ASIC2: variants seen among roughly 807,000 people sequenced by gnomAD.
ASIC2 encodes acid sensing ion channel subunit 2.
In ASIC2, 25 loss-of-function variants were observed where a neutral mutation model predicts 57.3. The observed-to-expected ratio is 0.44, with a 90% confidence interval of 0.32 to 0.61. The LOEUF is 0.61. ASIC2 is among the 20% of genes least tolerant of loss of function. ASIC2 has a pLI of 0.06. For synonymous variants in ASIC2, 319 were observed against 307.5 expected, an observed-to-expected ratio of 1.04 and a Z score of -0.39; for missense variants, 641 against 738.1, an observed-to-expected ratio of 0.87 and a Z score of 1.52.
intron 3 of ASIC2, among the ~76,000 whole-genome samples, chr17:33,067,276 G>A (rs910683249): frequency 6.6e-6 from 1 of 152,176 alleles, no homozygotes; most frequent in African/African-American, 2.4e-5. Context: ...GTGTACCAAG[G>A]GCCACAGACA....
rs528846677 is a variant in ASIC2 at position 33,740,252 on chromosome 17, A to T, written c.555+415726T>A. ...AGTTTGGGTACAGCAAGGGCTATGT[A>T]TTAGTGCGTTCTCACACTGCTATAA... On this transcript the variant is annotated intron_variant, in intron 1 of 9. Transcript: ENST00000359872. Among the ~76,000 whole-genome samples the T allele has an allele frequency of 4.6e-5, 7 of 152,376 alleles. No homozygotes were observed. In the South Asian group the frequency reaches 1.4e-3, roughly 32 times the overall value.
intron 2 of ASIC2, among the ~76,000 whole-genome samples, chr17:33,103,344 ATAT>A (rs1180768954): frequency 6.6e-6 from 1 of 152,150 alleles, no homozygotes; most frequent in East Asian, 1.9e-4. Context: ...AATGTAGATA[ATAT>A]TATTATTTTC....
At chr17:33,842,531 G>C (rs763176410) in intron 1 of ASIC2, among the ~76,000 whole-genome samples, 1 of 152,154 alleles carries the variant, frequency 6.6e-6, no homozygotes, top group Non-Finnish European at 1.5e-5. Context: ...CCTGAGACAG[G>C]GCTGGGACGA....
intron 1 of ASIC2, among the ~76,000 whole-genome samples, chr17:33,113,895 G>T (rs2092270228): frequency 6.6e-6 from 1 of 152,198 alleles, no homozygotes; most frequent in Non-Finnish European, 1.5e-5. Flanking sequence ...CTGCTGTGCT[G>T]TCCTGGGAGG....
chr17:33,661,021 G>A (rs1004109219), intron 1 of ASIC2, among the ~76,000 whole-genome samples: 10 of 152,146 alleles, frequency 6.6e-5, no homozygotes, highest in African/African-American at 1.4e-4. Flanking sequence ...GTCTGTTGGA[G>A]ATTTTCCAGC....
intron 1 of ASIC2, among the ~76,000 whole-genome samples, chr17:33,775,472 G>T (rs540587257): frequency 6.6e-6 from 1 of 152,196 alleles, no homozygotes; most frequent in South Asian, 2.1e-4. Flanking sequence ...TGAAGAGTAC[G>T]TGAGCAAATA....
In ASIC2 at chr17:33,608,917, C is replaced by T. The variant is rs1199782806; in HGVS notation, c.556-496850G>A. On this transcript the variant is annotated intron_variant, in intron 1 of 9. Transcript: ENST00000359872. The stretch of plus-strand genomic sequence containing the variant: ...AGCCCAAAGACCTAGGAAATGATGT[C>T]ATTATCCTCTAGTTCTACCCTGGCA... Among the ~76,000 whole-genome samples, 3 of 152,138 alleles carry T rather than the reference C, an allele frequency of 2.0e-5. No homozygotes were observed. The East Asian group carries it at 5.8e-4, about 29-fold the overall frequency.
intron 1 of ASIC2, among the ~76,000 whole-genome samples, chr17:33,799,462 CTTTCTTTCTTTCTTTCCTTCTTTCT>C (rs1912058204): frequency 8.4e-6 from 1 of 119,628 alleles, no homozygotes; most frequent in African/African-American, 3.1e-5. Flanking sequence ...TTCTTTCTTT[CTTTCTTTCTTTCTTTCCTTCTTTCT>C]TTCTTTCTTA....
intron 1 of ASIC2, among the ~76,000 whole-genome samples, chr17:33,765,031 A>G (rs976578817): frequency 2.0e-5 from 3 of 152,076 alleles, no homozygotes; most frequent in Non-Finnish European, 4.4e-5. Flanking sequence ...TCTCCTAGAT[A>G]GTCTTTCTGG....
intron 1 of ASIC2, chr17:33,572,301 C>T (rs1312614497): frequency 7.5e-6 from 1 of 132,650 alleles, no homozygotes; most frequent in Admixed American, 7.1e-5. Flanking sequence ...TAAAGAAACG[C>T]ACCCCCCCCA....
At chr17:34,039,328 C>A (rs960735820) in intron 1 of ASIC2, 1 of 1,613,954 alleles carries the variant, frequency 6.2e-7, no homozygotes, top group Non-Finnish European at 8.5e-7. Context: ...AGATGAGGGA[C>A]TGTTTTGCTG....
At chr17:33,592,449 A>T (rs374904171) in intron 1 of ASIC2, among the ~76,000 whole-genome samples, 1 of 152,248 alleles carries the variant, frequency 6.6e-6, no homozygotes, top group Non-Finnish European at 1.5e-5. Flanking sequence ...GCCTGAAGTG[A>T]GGGAAGCTTA....
chr17:33,554,659 C>G (rs1418066527), intron 1 of ASIC2, among the ~76,000 whole-genome samples: 1 of 152,048 alleles, frequency 6.6e-6, no homozygotes, highest in Non-Finnish European at 1.5e-5. Context: ...AAGAAGTTGA[C>G]AGGCAAGGGA....
chr17:33,541,592 G>T (rs971660830), intron 1 of ASIC2, among the ~76,000 whole-genome samples: 1 of 152,166 alleles, frequency 6.6e-6, no homozygotes, highest in African/African-American at 2.4e-5. Flanking sequence ...TTGTTGCAAA[G>T]CACATCCTAT....
chr17:33,273,811 G>A (rs1409079608), intron 1 of ASIC2, among the ~76,000 whole-genome samples: 1 of 151,934 alleles, frequency 6.6e-6, no homozygotes, highest in Admixed American at 6.6e-5. Flanking sequence ...TTAAAAAGTT[G>A]GGGGGCCGGA....
intron 1 of ASIC2, among the ~76,000 whole-genome samples, chr17:33,732,933 C>A (rs1280207310): frequency 1.3e-5 from 2 of 152,162 alleles, no homozygotes; most frequent in Non-Finnish European, 2.9e-5. Context: ...CCACCATGCC[C>A]AGCCCCCTAA....
At chr17:33,454,598 T>C (rs992065391) in intron 1 of ASIC2, among the ~76,000 whole-genome samples, 6 of 152,246 alleles carry the variant, frequency 3.9e-5, no homozygotes, top group African/African-American at 1.4e-4. Flanking sequence ...ATTCTGTTAT[T>C]CTTTAAAAAT....
intron 1 of ASIC2, among the ~76,000 whole-genome samples, chr17:33,172,061 G>A (rs1343047972): frequency 6.6e-6 from 1 of 152,162 alleles, no homozygotes; most frequent in African/African-American, 2.4e-5. Flanking sequence ...TAATGTCTGT[G>A]TCCTCCACCA....
At chr17:33,640,406 T>C (rs1398227629) in intron 1 of ASIC2, among the ~76,000 whole-genome samples, 1 of 152,236 alleles carries the variant, frequency 6.6e-6, no homozygotes, top group Non-Finnish European at 1.5e-5. Context: ...TTAATCATTG[T>C]TTGCTTGCCA....
Sources: gnomAD v4.1 joint callset for allele counts (sites outside exome capture counted in the v4.1 genomes callset) on GRCh38, gnomAD v4.1.1 for gene constraint, MANE v1.5 for transcripts, NCBI Gene and HGNC (gene_info 2026-07-23, HGNC 2026-07-21) for gene names.